Variants in CACNB4 observed in about 807,000 individuals in gnomAD.
CACNB4 encodes voltage-dependent L-type calcium channel subunit beta-4.
A neutral mutation model predicts 71.2 loss-of-function variants in CACNB4; 32 were observed. The ratio of observed to expected loss-of-function variants is 0.45; its 90% CI spans 0.34 to 0.60. The LOEUF (loss-of-function observed/expected upper bound fraction) is 0.60. Ranked by LOEUF, CACNB4 falls within the 20% of genes least tolerant of loss-of-function variation. CACNB4 has a pLI of 0.01. For missense variants in CACNB4, 464 were observed against 647.9 expected, an observed-to-expected ratio of 0.72 and a Z score of 3.08; for synonymous variants, 231 against 236.9, an observed-to-expected ratio of 0.97 and a Z score of 0.23.
At chr2:151,993,754 G>A (rs908251924) in intron 2 of CACNB4, among the ~76,000 whole-genome samples, 3 of 151,518 alleles carry the variant, frequency 2.0e-5, no homozygotes, top group Admixed American at 6.6e-5. Context: ...CAGTAGAGAC[G>A]GGGTTTCACC....
At chr2:151,905,857 C>T (rs774594209) in intron 2 of CACNB4, among the ~76,000 whole-genome samples, 3 of 152,208 alleles carry the variant, frequency 2.0e-5, no homozygotes, top group Non-Finnish European at 4.4e-5. Context: ...AAACTTTTCA[C>T]AAAACTGAAA....
chr2:152,004,532 T>TACAC (rs5835400), intron 2 of CACNB4, among the ~76,000 whole-genome samples: 9 of 149,308 alleles, frequency 6.0e-5, no homozygotes, highest in African/African-American at 2.2e-4. Flanking sequence ...TTTACATACA[T>TACAC]ACACACACAC....
intron 4 of CACNB4, among the ~76,000 whole-genome samples, chr2:151,879,316 G>A (rs2099847243): frequency 1.3e-5 from 2 of 152,216 alleles, no homozygotes; most frequent in Non-Finnish European, 2.9e-5. Context: ...AGCACAGTGA[G>A]AATCTGACTC....
At chr2:151,918,793 C>T (rs1436992047) in intron 2 of CACNB4, among the ~76,000 whole-genome samples, 1 of 152,202 alleles carries the variant, frequency 6.6e-6, no homozygotes, top group East Asian at 1.9e-4. Flanking sequence ...AGCAACCCCT[C>T]GCACATAGGC....
chr2:152,014,429 T>G (rs1348236067), intron 2 of CACNB4, among the ~76,000 whole-genome samples: 1 of 152,090 alleles, frequency 6.6e-6, no homozygotes, highest in African/African-American at 2.4e-5. Context: ...TTGCGTAGAA[T>G]CTAAAGAATC....
rs542368755 is a variant in CACNB4 at position 152,042,897 on chromosome 2, C to T, written c.147+55433G>A. ...ATAAAACAGCATGCAGTAACGAAGC[C>T]GGCTAAAACCCACCAAAACCAAGAT... On this transcript the variant is annotated intron_variant, in intron 2 of 13. Transcript: ENST00000539935. 3.9e-5 allele frequency among the ~76,000 whole-genome samples: 6 copies of T among 152,186 alleles called. No homozygotes were observed. The East Asian group carries it at 5.8e-4, about 15-fold the overall frequency.
Position 151,876,783 on chromosome 2 carries a change from C to T in CACNB4, c.391-227G>A, listed in dbSNP as rs562144947. Among the ~76,000 whole-genome samples the T allele has an allele frequency of 1.9e-3, 259 of 139,054 alleles. 3 individuals carry two copies. Among genetic ancestry groups the T allele is most frequent in the African/African-American group, 6.8e-3 (250 of 36,528 alleles). The allele number at this position is 139,054 out of a possible 152,430, so 91.2% of individuals were successfully genotyped here. A position where few individuals can be genotyped will look rare whatever the true frequency, so the allele number is the denominator to read the frequency against. On this transcript the variant is annotated intron_variant, in intron 4 of 13. Transcript: ENST00000539935. ...TGTATACTATATTTTATATACTATA[C>T]TATATACTATATTTTATATAAACTA...
At chr2:151,957,391 T>C (rs1487004330) in intron 2 of CACNB4, among the ~76,000 whole-genome samples, 22 of 151,932 alleles carry the variant, frequency 1.4e-4, no homozygotes, top group Non-Finnish European at 1.5e-4. Flanking sequence ...ATTAAAGTTA[T>C]TGAATTTCAA....
At chr2:151,903,287 G>A (rs758092208) in intron 2 of CACNB4, among the ~76,000 whole-genome samples, 1 of 152,110 alleles carries the variant, frequency 6.6e-6, no homozygotes, top group Non-Finnish European at 1.5e-5. Context: ...GCTGAGGCGG[G>A]TGGATAACTG....
intron 2 of CACNB4, among the ~76,000 whole-genome samples, chr2:151,889,448 AGAGT>A (rs1281561548): frequency 6.9e-6 from 1 of 145,542 alleles, no homozygotes; most frequent in Non-Finnish European, 1.5e-5. Context: ...CCTGGGCAAC[AGAGT>A]GAGACTCTGT....
chr2:152,033,096 G>A (rs1354048905), intron 2 of CACNB4, among the ~76,000 whole-genome samples: 1 of 152,254 alleles, frequency 6.6e-6, no homozygotes, highest in East Asian at 1.9e-4. Context: ...CCAAACAAGA[G>A]GAACAGACAG....
intron 9 of CACNB4, among the ~76,000 whole-genome samples, chr2:151,862,796 C>T (rs886925943): frequency 1.2e-4 from 19 of 152,208 alleles, no homozygotes; most frequent in African/African-American, 3.4e-4. Context: ...CCCTGGGTAT[C>T]GGGCCAGTGC....
At chr2:152,040,235 CTATCTCACAGTATT>C (rs1684806924) in intron 2 of CACNB4, among the ~76,000 whole-genome samples, 1 of 152,096 alleles carries the variant, frequency 6.6e-6, no homozygotes. Context: ...CATGATTCTC[CTATCTCACAGTATT>C]TAACTCCTAC....
At chr2:152,028,122 A>T (rs186211448) in intron 2 of CACNB4, among the ~76,000 whole-genome samples, 2 of 152,262 alleles carry the variant, frequency 1.3e-5, no homozygotes, top group African/African-American at 4.8e-5. Context: ...AAATGAGGGG[A>T]TGAGGGAAGA....
intron 13 of CACNB4, among the ~76,000 whole-genome samples, chr2:151,840,588 A>T (rs2151316284): frequency 6.6e-6 from 1 of 152,358 alleles, no homozygotes; most frequent in Non-Finnish European, 1.5e-5. Context: ...GGCATGAAAT[A>T]GTCCTAATGC....
rs570417868 is a variant in CACNB4 at position 152,068,972 on chromosome 2, G to A, written c.147+29358C>T. Among the ~76,000 whole-genome samples, 4 of 152,318 alleles carry A rather than the reference G, an allele frequency of 2.6e-5. No homozygotes were observed. The East Asian group carries it at 7.7e-4, about 29-fold the overall frequency. On this transcript the variant is annotated intron_variant, in intron 2 of 13. Coordinates refer to ENST00000539935, the MANE Select transcript of CACNB4 (RefSeq NM_000726.5). Reference sequence around the variant, plus strand: ...TAGGCTTTGACCAGCTTCACACTGAGGCGGTGACCTTTGGCTTTCTGGCCA... The same window carrying A: ...TAGGCTTTGACCAGCTTCACACTGAAGCGGTGACCTTTGGCTTTCTGGCCA...
intron 2 of CACNB4, among the ~76,000 whole-genome samples, chr2:151,898,274 C>A (rs751499309): frequency 6.6e-6 from 1 of 152,226 alleles, no homozygotes; most frequent in Admixed American, 6.5e-5. Flanking sequence ...CTGCGTGGCT[C>A]TGAACTCGCA....
chr2:151,864,654 G>T (rs1263612045), intron 9 of CACNB4, among the ~76,000 whole-genome samples: 1 of 152,152 alleles, frequency 6.6e-6, no homozygotes, highest in Non-Finnish European at 1.5e-5. Flanking sequence ...CTGGATCTTT[G>T]TCTTGGTAGT....
chr2:151,998,639 T>G (rs1046405751), intron 2 of CACNB4, among the ~76,000 whole-genome samples: 3 of 152,214 alleles, frequency 2.0e-5, no homozygotes, highest in Admixed American at 6.5e-5. Flanking sequence ...CTCAGTATTC[T>G]GTCTCCCCTC....
Sources: allele counts gnomAD v4.1 joint callset (sites outside exome capture counted in the v4.1 genomes callset), GRCh38; gene constraint gnomAD v4.1.1; transcripts MANE v1.5; gene names NCBI Gene and HGNC (gene_info 2026-07-23, HGNC 2026-07-21).